SMC3: variants seen among roughly 807,000 people sequenced by gnomAD.
SMC3 encodes structural maintenance of chromosomes protein 3.
SMC3 carries 20 observed loss-of-function variants against 171.8 expected under a neutral mutation model. The ratio of observed to expected loss-of-function variants is 0.12; its 90% confidence interval spans 0.08 to 0.17. The LOEUF is 0.17. Among genes scored for constraint, SMC3 ranks in the 10% least tolerant of loss-of-function variants. SMC3 has a pLI of 1.00. For missense variants in SMC3, 543 were observed against 1,420.4 expected, an observed-to-expected ratio of 0.38 and a Z score of 9.93; for synonymous variants, 464 against 451.1, an observed-to-expected ratio of 1.03 and a Z score of -0.36.
intron 4 of SMC3, among the ~76,000 whole-genome samples, chr10:110,576,290 T>C (rs534089457): frequency 6.6e-6 from 1 of 152,324 alleles, no homozygotes; most frequent in South Asian, 2.1e-4. Context: ...CAGCCATTTG[T>C]TGAACCATCG....
At chr10:110,579,316 T>C (rs1196288483) in intron 7 of SMC3, among the ~76,000 whole-genome samples, 1 of 152,204 alleles carries the variant, frequency 6.6e-6, no homozygotes, top group Non-Finnish European at 1.5e-5. Context: ...AAGAAGTGAT[T>C]AGGAAGAATA....
chr10:110,586,326 G>A (rs1254505802), intron 13 of SMC3, among the ~76,000 whole-genome samples: 5 of 152,218 alleles, frequency 3.3e-5, no homozygotes, highest in Admixed American at 2.6e-4. Flanking sequence ...TGGAAGTCCA[G>A]TCGTGCTGTG....
rs3818903 is a variant in SMC3 at position 110,600,561 on chromosome 10, T to C, written c.2535+15T>C. On this transcript the variant is annotated intron_variant, in intron 22 of 28. Transcript: ENST00000361804. ...AAGTAGAACAGGTGTGTATGTGTTTTTTTTTTTTTTTTTAAGGGCTCCTTG... is the reference window on the plus strand; with the variant it reads ...AAGTAGAACAGGTGTGTATGTGTTTCTTTTTTTTTTTTTAAGGGCTCCTTG... The C allele has an allele frequency of 7.5e-7, 1 of 1,336,092 alleles. No individual in the cohort carries two copies. Among genetic ancestry groups the C allele is most frequent in the Non-Finnish European group, 1.1e-6 (1 of 930,622 alleles). The allele number at this position is 1,336,092 out of a possible 1,614,324, so 82.8% of individuals were successfully genotyped here. A position where few individuals can be genotyped will look rare whatever the true frequency, so the allele number is the denominator to read the frequency against.
chr10:110,587,689 GAAAAAAA>G (rs34378467), intron 13 of SMC3, among the ~76,000 whole-genome samples: 11 of 94,194 alleles, frequency 1.2e-4, no homozygotes, highest in East Asian at 5.7e-4. Context: ...CCGTCTCAAA[GAAAAAAA>G]AAAAAAAAAA....
At chr10:110,573,637 T>C in intron 2 of SMC3, 70 bp from the exon 3 acceptor site, 2 of 1,076,488 alleles carry the variant, frequency 1.9e-6, no homozygotes, top group Non-Finnish European at 2.8e-6. Context: ...TGAGTATTTT[T>C]AAAAAGGTAA....
rs1188302247 is a variant in SMC3 at position 110,578,558 on chromosome 10, C to G, written c.351-70C>G. The G allele has an allele frequency of 2.8e-6, 3 of 1,066,270 alleles. No homozygotes were observed. In the African/African-American group the frequency reaches 4.7e-5, roughly 17 times the overall value. The allele number at this position is 1,066,270 out of a possible 1,614,324, so 66.1% of individuals were successfully genotyped here. A position where few individuals can be genotyped will look rare whatever the true frequency, so the allele number is the denominator to read the frequency against. On this transcript the variant is annotated intron_variant, in intron 6 of 28. Transcript: ENST00000361804. ...CTCCCTAATGCTATCAACCAAGGGG[C>G]TACTCTACTCATTGCTTAATGGTGC...
At chr10:110,577,379 A>G (rs1860968160) in intron 4 of SMC3, 42 bp from the exon 5 acceptor site, 3 of 1,430,022 alleles carry the variant, frequency 2.1e-6, no homozygotes, top group South Asian at 1.1e-5. Flanking sequence ...GGATATGAAT[A>G]TACAACTTAA....
At chr10:110,576,543 T>C (rs1258049049) in intron 4 of SMC3, among the ~76,000 whole-genome samples, 1 of 152,222 alleles carries the variant, frequency 6.6e-6, no homozygotes, top group African/African-American at 2.4e-5. Context: ...TTAATCCTTC[T>C]GATTTGAATA....
At chr10:110,592,004 C>T (rs1861212788) in intron 17 of SMC3, among the ~76,000 whole-genome samples, 1 of 152,058 alleles carries the variant, frequency 6.6e-6, no homozygotes, top group African/African-American at 2.4e-5. Context: ...TGGCTCACAC[C>T]TGTAATCCCC....
At chr10:110,586,232 T>C (rs1861113678) in intron 13 of SMC3, among the ~76,000 whole-genome samples, 1 of 152,046 alleles carries the variant, frequency 6.6e-6, no homozygotes, top group African/African-American at 2.4e-5. Context: ...AAGAAAAAAA[T>C]ATATAGTGGG....
At chr10:110,568,256 T>G in intron 1 of SMC3, 1 of 219,280 alleles carries the variant, frequency 4.6e-6, no homozygotes. Context: ...AAAGGTGGCT[T>G]CCCCGGCCCG....
chr10:110,582,776 C>T, intron 10 of SMC3, 134 bp downstream of exon 10: 1 of 705,226 alleles, frequency 1.4e-6, no homozygotes, highest in Non-Finnish European at 2.6e-6. Flanking sequence ...TCAGGCAATC[C>T]TCTTGCCGCA....
At chr10:110,600,655 A>G (rs1339656473) in intron 22 of SMC3, 109 bp downstream of exon 22, 2 of 720,398 alleles carry the variant, frequency 2.8e-6, no homozygotes, top group South Asian at 1.6e-5. Context: ...TGGGGACAGA[A>G]AGCTTAGTGT....
intron 18 of SMC3, among the ~76,000 whole-genome samples, chr10:110,593,825 A>G (rs555674666): frequency 3.3e-5 from 5 of 151,514 alleles, no homozygotes; most frequent in Admixed American, 2.6e-4. Flanking sequence ...CATCTCTACT[A>G]AAAATACAAA....
At chr10:110,567,952 C>A in intron 1 of SMC3, 121 bp downstream of exon 1, 1 of 1,272,186 alleles carries the variant, frequency 7.9e-7, no homozygotes, top group Non-Finnish European at 1.1e-6. Context: ...CAGGGCTGGG[C>A]GGGGACTGTG....
At chr10:110,584,003 A>T in intron 12 of SMC3, 41 bp downstream of exon 12, 1 of 1,609,264 alleles carries the variant, frequency 6.2e-7, no homozygotes, top group Non-Finnish European at 8.5e-7. Flanking sequence ...TCTACATCAT[A>T]TTATGTAAAA....
At chr10:110,590,707 A>G in intron 16 of SMC3, 135 bp downstream of exon 16, 1 of 772,600 alleles carries the variant, frequency 1.3e-6, no homozygotes, top group Non-Finnish European at 2.1e-6. Flanking sequence ...TAATTAAAGA[A>G]GTAGATGCTA....
chr10:110,601,922 A>G lies in SMC3; in HGVS notation c.2892+38A>G, dbSNP rs371546701. 1.2e-6 allele frequency: 2 copies of G among 1,611,782 alleles called. No individual in the cohort carries two copies. Among genetic ancestry groups the G allele is most frequent in the Admixed American group, 3.3e-5 (2 of 60,002 alleles). Reference sequence around the variant, plus strand: ...TTTGAAGTCTTGTTACAAATTGCTCAGTATATAAATTTATTTATATGAATA... The same window carrying G: ...TTTGAAGTCTTGTTACAAATTGCTCGGTATATAAATTTATTTATATGAATA... On this transcript the variant is annotated intron_variant, in intron 24 of 28. Transcript: ENST00000361804.
At chr10:110,582,186 G>A (rs1484528794) in intron 9 of SMC3, 88 bp downstream of exon 9, 1 of 1,163,580 alleles carries the variant, frequency 8.6e-7, no homozygotes, top group East Asian at 2.3e-5. Context: ...ACTTTTCAGT[G>A]ATTTTAAATA....
Sources: gnomAD v4.1 joint callset for allele counts (sites outside exome capture counted in the v4.1 genomes callset) on GRCh38, gnomAD v4.1.1 for gene constraint, MANE v1.5 for transcripts, NCBI Gene and HGNC (gene_info 2026-07-23, HGNC 2026-07-21) for gene names.